GDAP1: variants seen among roughly 807,000 people sequenced by gnomAD.
GDAP1 encodes ganglioside-induced differentiation-associated protein 1.
A neutral mutation model predicts 40.1 loss-of-function variants in GDAP1; 34 were observed. That is an observed-to-expected ratio of 0.85 (90% CI 0.64 to 1.13). GDAP1 has a LOEUF of 1.13. Ranked by LOEUF, GDAP1 falls within the 50% of genes most tolerant of loss-of-function variation. GDAP1 has a pLI of 0.00. For missense variants in GDAP1, 374 were observed against 433.7 expected (o/e 0.86, Z 1.22); for synonymous variants, 170 against 157.4 (o/e 1.08, Z -0.60).
At chr8:74,433,326 C>T (rs1806050247) in intron 2 of GDAP1, among the ~76,000 whole-genome samples, 1 of 152,188 alleles carries the variant, frequency 6.6e-6, no homozygotes, top group Non-Finnish European at 1.5e-5. Context: ...CCTAACTCCA[C>T]AACATTAAAA....
intron 2 of GDAP1, among the ~76,000 whole-genome samples, chr8:74,357,866 A>G (rs904702582): frequency 1.3e-5 from 2 of 152,214 alleles, no homozygotes; most frequent in African/African-American, 4.8e-5. Context: ...AAGGTACTCT[A>G]CGGAAGAACT....
chr8:74,366,934 A>G (rs1378805078), downstream of GDAP1: 1 of 367,618 alleles, frequency 2.7e-6, no homozygotes, highest in Non-Finnish European at 5.3e-6. Context: ...TTAAAATCAA[A>G]GCATCATGTG....
intron 2 of GDAP1, among the ~76,000 whole-genome samples, chr8:74,412,745 C>T (rs566465571): frequency 1.3e-5 from 2 of 149,532 alleles, no homozygotes; most frequent in Admixed American, 1.3e-4. Context: ...ATGTAACATG[C>T]CAGAGGGTGA....
At chr8:74,479,907 C>A (rs1034904124) in intron 2 of GDAP1, among the ~76,000 whole-genome samples, 1 of 152,066 alleles carries the variant, frequency 6.6e-6, no homozygotes, top group South Asian at 2.1e-4. Context: ...ACTTCTATTG[C>A]TCTCTATTGG....
At chr8:74,434,006 T>C (rs1036008047) in intron 2 of GDAP1, among the ~76,000 whole-genome samples, 1 of 152,242 alleles carries the variant, frequency 6.6e-6, no homozygotes. Flanking sequence ...CTTCCTCCTA[T>C]GCATTTCTTC....
At chr8:74,399,919 T>G (rs1292713845) in intron 2 of GDAP1, among the ~76,000 whole-genome samples, 1 of 144,566 alleles carries the variant, frequency 6.9e-6, no homozygotes, top group East Asian at 1.9e-4. Flanking sequence ...GAGAGACAGT[T>G]TGTTATAATT....
intron 2 of GDAP1, among the ~76,000 whole-genome samples, chr8:74,457,170 G>A (rs1003271678): frequency 3.9e-5 from 6 of 152,006 alleles, no homozygotes; most frequent in African/African-American, 1.4e-4. Flanking sequence ...AAATTAACTG[G>A]CAAGTGTTTG....
At chr8:74,469,131 G>A (rs996327924) in intron 2 of GDAP1, among the ~76,000 whole-genome samples, 1 of 151,916 alleles carries the variant, frequency 6.6e-6, no homozygotes, top group East Asian at 1.9e-4. Context: ...TGGTCTTAGT[G>A]GATCATTTTT....
chr8:74,371,761 T>C (rs1809755437), downstream of GDAP1, among the ~76,000 whole-genome samples: 1 of 132,636 alleles, frequency 7.5e-6, no homozygotes, highest in Admixed American at 8.3e-5. Context: ...TTATAGTTTG[T>C]TAAAAATTTT....
At chr8:74,393,456 A>G (rs1274580500) in intron 2 of GDAP1, among the ~76,000 whole-genome samples, 1 of 152,168 alleles carries the variant, frequency 6.6e-6, no homozygotes, top group Non-Finnish European at 1.5e-5. Context: ...CTTGGCCCCA[A>G]ATTTTTGTTT....
At chr8:74,444,023 T>A (rs969328007) in intron 2 of GDAP1, among the ~76,000 whole-genome samples, 13 of 97,974 alleles carry the variant, frequency 1.3e-4, no homozygotes, top group African/African-American at 4.5e-4. Context: ...TCTATCTATC[T>A]ATCATCTATC....
At chr8:74,356,716 A>ATATATATATATATTTTTTTTTTTT (rs375377157) in intron 2 of GDAP1, among the ~76,000 whole-genome samples, 13 of 104,330 alleles carry the variant, frequency 1.2e-4, no homozygotes, top group African/African-American at 5.0e-4. Flanking sequence ...ATATATATAT[A>ATATATATATATATTTTTTTTTTTT]TTTTTTTTTT....
At chr8:74,402,749 CT>C (rs1810369726) in intron 2 of GDAP1, among the ~76,000 whole-genome samples, 1 of 150,352 alleles carries the variant, frequency 6.7e-6, no homozygotes, top group Non-Finnish European at 1.5e-5. Context: ...AATACTTTTA[CT>C]TTAAATATAA....
chr8:74,375,881 T>C (rs1809844285), intron 2 of GDAP1, among the ~76,000 whole-genome samples: 1 of 152,206 alleles, frequency 6.6e-6, no homozygotes, highest in African/African-American at 2.4e-5. Flanking sequence ...CTAAGGAATC[T>C]TCTAAAAAAC....
intron 2 of GDAP1, among the ~76,000 whole-genome samples, chr8:74,482,700 T>G: frequency 6.6e-6 from 1 of 152,226 alleles, no homozygotes; most frequent in East Asian, 1.9e-4. Context: ...TGACAGCCTC[T>G]CTTTCCTTAT....
At chr8:74,444,895 G>A (rs1295762288) in intron 2 of GDAP1, among the ~76,000 whole-genome samples, 1 of 152,100 alleles carries the variant, frequency 6.6e-6, no homozygotes, top group Admixed American at 6.6e-5. Flanking sequence ...CATCTATTAT[G>A]CTCACTGATT....
rs573387011 is a variant in GDAP1 at position 74,426,099 on chromosome 8, C to T, written c.166-62579C>T. 8.5e-5 allele frequency among the ~76,000 whole-genome samples: 13 copies of T among 152,270 alleles called. No homozygotes were observed. In the East Asian group the frequency reaches 2.3e-3, roughly 27 times the overall value. ...TTGCATATAGGCATGCATGCATGTG[C>T]ACACACACATAACTTAGTTTACTGA... On this transcript the variant is annotated intron_variant, in intron 2 of 2. Transcript: ENST00000523640.
At chr8:74,456,381 C>T (rs1166396857) in intron 2 of GDAP1, among the ~76,000 whole-genome samples, 1 of 151,918 alleles carries the variant, frequency 6.6e-6, no homozygotes, top group Non-Finnish European at 1.5e-5. Flanking sequence ...CATAGAACAA[C>T]TACTTATCAA....
chr8:74,402,180 GCCT>G (rs1810355370), intron 2 of GDAP1, among the ~76,000 whole-genome samples: 1 of 150,428 alleles, frequency 6.6e-6, no homozygotes, highest in Admixed American at 6.6e-5. Flanking sequence ...AGGCAGGCAG[GCCT>G]CCTTGAGCTG....
Sources: gnomAD v4.1 joint callset for allele counts (sites outside exome capture counted in the v4.1 genomes callset) on GRCh38, gnomAD v4.1.1 for gene constraint, MANE v1.5 for transcripts, NCBI Gene and HGNC (gene_info 2026-07-23, HGNC 2026-07-21) for gene names.